Variants in MGAT5B observed in about 807,000 individuals in gnomAD.
MGAT5B encodes N-acetylglucosaminyl-transferase Vb.
MGAT5B carries 54 observed loss-of-function variants against 95.1 expected under a neutral mutation model. The ratio of observed to expected loss-of-function variants is 0.57; its 90% CI spans 0.46 to 0.71. The LOEUF (loss-of-function observed/expected upper bound fraction) is 0.71, where lower values mean the gene tolerates loss of function less well. MGAT5B is among the 30% of genes least tolerant of loss of function. The probability of loss-of-function intolerance (pLI) is 0.00; values close to 1 mark genes in which losing one functional copy is unlikely to be tolerated. For missense variants in MGAT5B, 935 were observed against 1,088.6 expected, an observed-to-expected ratio of 0.86 and a Z score of 1.99; for synonymous variants, 464 against 451.0, an observed-to-expected ratio of 1.03 and a Z score of -0.36.
intron 10 of MGAT5B, among the ~76,000 whole-genome samples, chr17:76,931,798 A>T (rs1299269782): frequency 6.6e-6 from 1 of 152,244 alleles, no homozygotes. Flanking sequence ...GCCGGGGTGC[A>T]GTCACGGAGA....
intron 4 of MGAT5B, 91 bp downstream of exon 4, chr17:76,902,761 T>C (rs655690): frequency 0.091 from 85,797 of 942,722 alleles, 7,390 homozygotes; most frequent in Admixed American, 0.25. Context: ...ACACTTGGGG[T>C]GTGGCCGACT....
chr17:76,923,022 C>T (rs1014397805), intron 8 of MGAT5B, among the ~76,000 whole-genome samples: 1 of 152,198 alleles, frequency 6.6e-6, no homozygotes, highest in Non-Finnish European at 1.5e-5. Flanking sequence ...GGCTTAGTCC[C>T]TGTGCTGGCA....
At position 76,902,686 on chromosome 17, in the gene MGAT5B, C is replaced by T. The variant is rs369629876; in HGVS notation, c.445+16C>T. 1.7e-5 allele frequency: 19 copies of T among 1,090,852 alleles called. No homozygotes were observed. Among genetic ancestry groups the T allele is most frequent in the Admixed American group, 8.7e-5 (4 of 45,716 alleles). 67.6% of individuals were successfully genotyped at this position (1,090,852 alleles called of 1,614,324 possible). On this transcript the variant is annotated intron_variant, in intron 4 of 17. Coordinates refer to ENST00000569840, the MANE Select transcript of MGAT5B (RefSeq NM_001199172.2). The stretch of plus-strand genomic sequence containing the variant: ...CACAGCAAGGGTGGGTGCCAGGGGG[C>T]GGGGGTACCCTCTACCCCTAGGGGG...
At chr17:76,928,361 G>A (rs1279912064) in intron 10 of MGAT5B, among the ~76,000 whole-genome samples, 2 of 152,150 alleles carry the variant, frequency 1.3e-5, no homozygotes, top group African/African-American at 4.8e-5. Flanking sequence ...CCGGGCTGTG[G>A]AAGAGGAAAA....
rs998030220 is a variant in MGAT5B, at chr17:76,916,393, C to G, written c.1026-8573C>G. On this transcript the variant is annotated intron_variant, in intron 8 of 17. Coordinates refer to ENST00000569840, the MANE Select transcript of MGAT5B (RefSeq NM_001199172.2). The surrounding 1 kb of genome is among the most constrained non-coding windows in gnomAD (Gnocchi z 5.3). ...TCGCCTTTCCCAGCTCTGGCCTGGCCTGTGTTGGGGAGGGCTGCAAGGGAA... is the reference window on the plus strand; with the variant it reads ...TCGCCTTTCCCAGCTCTGGCCTGGCGTGTGTTGGGGAGGGCTGCAAGGGAA... Among the ~76,000 whole-genome samples, 4 of 152,244 alleles carry G rather than the reference C, an allele frequency of 2.6e-5. No individual in the cohort carries two copies. The highest frequency in any genetic ancestry group is 5.9e-5 in the Non-Finnish European group (4 of 68,038).
intron 3 of MGAT5B, among the ~76,000 whole-genome samples, chr17:76,882,980 G>A (rs1967492347): frequency 6.6e-6 from 1 of 151,756 alleles, no homozygotes; most frequent in Admixed American, 6.6e-5. Context: ...CCAAAGTGCT[G>A]GGATTACATC....
At chr17:76,913,770 T>G (rs755613350) in intron 8 of MGAT5B, 1 of 477,964 alleles carries the variant, frequency 2.1e-6, no homozygotes, top group Admixed American at 2.2e-5. Flanking sequence ...AACACATTGC[T>G]CATTGAAAAG....
intron 9 of MGAT5B, among the ~76,000 whole-genome samples, chr17:76,925,960 A>G (rs1969300077): frequency 6.6e-6 from 1 of 152,134 alleles, no homozygotes; most frequent in Non-Finnish European, 1.5e-5. Context: ...TATAGGGACA[A>G]GACCCCTCTG....
chr17:76,932,739 G>C lies in MGAT5B; in HGVS notation c.1386G>C (p.Met462Ile). 1.2e-6 allele frequency: 2 copies of C among 1,613,892 alleles called. No homozygotes were observed. Among genetic ancestry groups the C allele is most frequent in the Non-Finnish European group, 1.7e-6 (2 of 1,179,926 alleles). The change falls in exon 11 of 18, where the codon ATG (methionine) becomes ATC (isoleucine). Residue 462 changes from methionine to isoleucine, a missense_variant. Around this residue, in one of 4 missense-constraint regions of MGAT5B, gnomAD observed 440 missense variants for 523.6 expected, o/e 0.84. Transcript: ENST00000569840. ...TCAAAGGCGGCAAGGCCAGCAACATGGCCGTGGTGTACGGCAAGGAGGCGA... is the reference window on the plus strand; with the variant it reads ...TCAAAGGCGGCAAGGCCAGCAACATCGCCGTGGTGTACGGCAAGGAGGCGA... ...RLIKGGKASNMAVVYGKEASI... is the reference protein window; with the variant it reads ...RLIKGGKASNIAVVYGKEASI...
rs1968970719 is a variant in MGAT5B at position 76,917,262 on chromosome 17, C to CTG, written c.1026-7700_1026-7699dup. On this transcript the variant is annotated intron_variant, in intron 8 of 17. Coordinates refer to ENST00000569840, the MANE Select transcript of MGAT5B (RefSeq NM_001199172.2). The surrounding 1 kb of genome is among the most constrained non-coding windows in gnomAD (Gnocchi z 6.1). ...ATGTTCCTCGAAGTCAGTTTCTTTGCTGTGTCTCCGGCCTCTGCAGGGCCG... is the reference window on the plus strand; with the variant it reads ...ATGTTCCTCGAAGTCAGTTTCTTTGCTGTGTGTCTCCGGCCTCTGCAGGGCCG... Among the ~76,000 whole-genome samples, 1 of 152,020 alleles carries CTG rather than the reference C, an allele frequency of 6.6e-6. No homozygotes were observed. Among genetic ancestry groups the CTG allele is most frequent in the Admixed American group, 6.6e-5 (1 of 15,254 alleles).
chr17:76,921,771 C>A (rs12936155), intron 8 of MGAT5B, among the ~76,000 whole-genome samples: 74,218 of 152,000 alleles, frequency 0.49, 19,020 homozygotes, highest in Non-Finnish European at 0.57. Flanking sequence ...GAGATGTGAT[C>A]AAGTTTCCAT....
At position 76,912,243 on chromosome 17, in the gene MGAT5B, A is replaced by T. The variant is rs560506333; in HGVS notation, c.1025+6056A>T. ...TGTCAATGTTGGGGGTGGAGGACACAATGTAAACCCATAATAAGATGGCAA... is the reference window on the plus strand; with the variant it reads ...TGTCAATGTTGGGGGTGGAGGACACTATGTAAACCCATAATAAGATGGCAA... On this transcript the variant is annotated intron_variant, in intron 8 of 17. Coordinates refer to ENST00000569840, the MANE Select transcript of MGAT5B (RefSeq NM_001199172.2). This position sits in a 1 kb window ranked among gnomAD's most constrained non-coding sequence, Gnocchi z 5.0. Among the ~76,000 whole-genome samples the T allele has an allele frequency of 9.2e-5, 14 of 152,308 alleles. No individual in the cohort carries two copies. The highest frequency in any genetic ancestry group is 2.6e-4 in the Admixed American group (4 of 15,308).
chr17:76,887,983 C>T (rs1967723248), intron 3 of MGAT5B, among the ~76,000 whole-genome samples: 1 of 152,096 alleles, frequency 6.6e-6, no homozygotes, highest in Non-Finnish European at 1.5e-5. Flanking sequence ...TGCCTGGCCC[C>T]ATGTCCCTCT....
chr17:76,873,430 T>G (rs769575277), intron 2 of MGAT5B, among the ~76,000 whole-genome samples: 1 of 152,328 alleles, frequency 6.6e-6, no homozygotes, highest in South Asian at 2.1e-4. Flanking sequence ...CACACGATAT[T>G]TGCAAGGCAG....
At chr17:76,878,665 G>A (rs1209011999) in intron 2 of MGAT5B, among the ~76,000 whole-genome samples, 1 of 152,048 alleles carries the variant, frequency 6.6e-6, no homozygotes, top group Non-Finnish European at 1.5e-5. Flanking sequence ...TATTGAAAAG[G>A]GGTTTTGCCA....
rs761057376 is a variant in MGAT5B at position 76,869,046 on chromosome 17, C to T, written c.17C>T (p.Pro6Leu). 6.2e-7 allele frequency: 1 copy of T among 1,613,968 alleles called. No individual in the cohort carries two copies. The highest frequency in any genetic ancestry group is 1.7e-5 in the Admixed American group (1 of 60,002). MITVNPDGKIMVRRCL... is the reference protein window; with the variant it reads MITVNLDGKIMVRRCL... Reference sequence around the variant, plus strand: ...GTTTGAACAATGATCACCGTCAACCCCGATGGGAAGATAATGGTCAGAAGA... The same window carrying T: ...GTTTGAACAATGATCACCGTCAACCTCGATGGGAAGATAATGGTCAGAAGA... Residue 6 changes from proline (P) to leucine (L), a missense_variant, in exon 1 of 18, where the codon CCC becomes CTC. Around this residue, in one of 4 missense-constraint regions of MGAT5B, gnomAD observed 243 missense variants for 228.2 expected, o/e 1.06. Transcript: ENST00000569840. The surrounding 1 kb of genome is among the most constrained non-coding windows in gnomAD (Gnocchi z 7.0).
rs1966904258 is a variant in MGAT5B, at chr17:76,869,229, G to A, written c.68+132G>A. The A allele has an allele frequency of 3.8e-6, 3 of 782,280 alleles. No individual in the cohort carries two copies. The allele number at this position is 782,280 out of a possible 1,614,324, so 48.5% of individuals were successfully genotyped here. ...ACACTTCAACCCCTGGTGATGACCA[G>A]TGGGGCTGGGCTGGGGGAACGGATG... is the stretch of plus-strand genomic sequence containing the variant. On this transcript the variant is annotated intron_variant, in intron 1 of 17. Coordinates refer to ENST00000569840, the MANE Select transcript of MGAT5B (RefSeq NM_001199172.2). This position sits in a 1 kb window ranked among gnomAD's most constrained non-coding sequence, Gnocchi z 7.0.
rs542101157 is a variant in MGAT5B, at chr17:76,897,777, C to T, written c.330-4778C>T. Among the ~76,000 whole-genome samples the T allele has an allele frequency of 2.2e-4, 31 of 139,264 alleles. 1 individual carries two copies. In the South Asian group the frequency reaches 6.7e-3, roughly 30 times the overall value. The allele number at this position is 139,264 out of a possible 152,430, so 91.4% of individuals were successfully genotyped here. On this transcript the variant is annotated intron_variant, in intron 3 of 17. Coordinates refer to ENST00000569840, the MANE Select transcript of MGAT5B (RefSeq NM_001199172.2). ...TTTATTAAAAAATAAGTTTATTGGC[C>T]GGGCATGGTGGCTCACGCCTGTTAT...
chr17:76,897,157 T>A (rs1377918589), intron 3 of MGAT5B, among the ~76,000 whole-genome samples: 1 of 152,130 alleles, frequency 6.6e-6, no homozygotes, highest in Non-Finnish European at 1.5e-5. Flanking sequence ...GTTCAAGTGA[T>A]CCTCCTGCCT....
Sources: allele counts gnomAD v4.1 joint callset (sites outside exome capture counted in the v4.1 genomes callset), GRCh38; gene constraint gnomAD v4.1.1; regional missense constraint gnomAD v4.1.1; non-coding constraint Gnocchi (gnomAD v3.1); transcripts MANE v1.5; gene names NCBI Gene and HGNC (gene_info 2026-07-23, HGNC 2026-07-21).